Variants in SCN8A observed in about 807,000 individuals in gnomAD.
SCN8A encodes sodium channel protein type 8 subunit alpha.
Under a neutral mutation model 184.1 loss-of-function variants are expected in SCN8A, and 30 were observed. The ratio of observed to expected loss-of-function variants is 0.16; its 90% confidence interval spans 0.12 to 0.22. The LOEUF is 0.22. Among genes scored for constraint, SCN8A ranks in the 10% least tolerant of loss-of-function variants. SCN8A has a pLI of 1.00. For synonymous variants in SCN8A, 852 were observed against 907.0 expected (o/e 0.94, Z 1.09); for missense variants, 1,057 against 2,498.9 (o/e 0.42, Z 12.30).
intron 24 of SCN8A, 64 bp from the exon 25 acceptor site, chr12:51,790,334 G>T: frequency 8.5e-7 from 1 of 1,169,718 alleles, no homozygotes. Context: ...TTGAACCTTA[G>T]GTCCAAACCC....
At chr12:51,788,468 A>G (rs1042604568) in intron 22 of SCN8A, 3 of 348,042 alleles carry the variant, frequency 8.6e-6, no homozygotes, top group East Asian at 9.4e-5. Flanking sequence ...CCTTAATCCC[A>G]TTACCATTTT....
intron 1 of SCN8A, among the ~76,000 whole-genome samples, chr12:51,637,580 A>G (rs574636463): frequency 2.6e-5 from 4 of 152,332 alleles, no homozygotes; most frequent in South Asian, 4.1e-4. Flanking sequence ...CCTTAAGCCA[A>G]CGCCCAATCC....
chr12:51,788,892 A>G, intron 23 of SCN8A, 144 bp downstream of exon 23: 1 of 632,136 alleles, frequency 1.6e-6, no homozygotes, highest in East Asian at 3.0e-5. Flanking sequence ...TGCTTGTGTT[A>G]TTGATTATAG....
At chr12:51,664,533 G>A (rs1177709691) in intron 2 of SCN8A, among the ~76,000 whole-genome samples, 1 of 151,812 alleles carries the variant, frequency 6.6e-6, no homozygotes, top group Non-Finnish European at 1.5e-5. Context: ...TTATTTTTTA[G>A]TAAATGTATT....
intron 1 of SCN8A, among the ~76,000 whole-genome samples, chr12:51,635,548 C>G (rs1239235387): frequency 6.6e-6 from 1 of 152,216 alleles, no homozygotes; most frequent in East Asian, 1.9e-4. Flanking sequence ...TGATGGGAAA[C>G]TTTAAACTAG....
intron 2 of SCN8A, among the ~76,000 whole-genome samples, chr12:51,675,006 T>C (rs1231719448): frequency 6.6e-6 from 1 of 152,154 alleles, no homozygotes; most frequent in African/African-American, 2.4e-5. Context: ...AGAGTGAGAA[T>C]AGATTCTAGA....
chr12:51,645,081 G>A (rs1940543074), intron 1 of SCN8A, among the ~76,000 whole-genome samples: 1 of 149,268 alleles, frequency 6.7e-6, no homozygotes, highest in African/African-American at 2.5e-5. Flanking sequence ...GGAGGTGGGG[G>A]GATCAGCCCC....
intron 19 of SCN8A, among the ~76,000 whole-genome samples, chr12:51,771,911 TA>T (rs1244168539): frequency 6.6e-6 from 1 of 152,220 alleles, no homozygotes; most frequent in Non-Finnish European, 1.5e-5. Flanking sequence ...AACAAAAATC[TA>T]AACAGTATGA....
intron 1 of SCN8A, among the ~76,000 whole-genome samples, chr12:51,611,943 G>T (rs1275572346): frequency 6.6e-6 from 1 of 152,102 alleles, no homozygotes; most frequent in Non-Finnish European, 1.5e-5. Flanking sequence ...CTTGGGATTT[G>T]CTATATAGAT....
At position 51,618,510 on chromosome 12, in the gene SCN8A, G is replaced by A. The variant is rs868465042; in HGVS notation, c.-55+27151G>A. 1.3e-4 allele frequency among the ~76,000 whole-genome samples: 17 copies of A among 133,864 alleles called. No individual in the cohort carries two copies. The East Asian group carries it at 1.9e-3, about 15-fold the overall frequency. 87.8% of individuals were successfully genotyped at this position (133,864 alleles called of 152,430 possible). On this transcript the variant is annotated intron_variant, in intron 1 of 26. Coordinates refer to ENST00000627620, the MANE Select transcript of SCN8A (RefSeq NM_001330260.2). ...ACACACACACACACACACACACACAGAAAGAAAAAAAGGCAAAACTCTGCT... is the reference window on the plus strand; with the variant it reads ...ACACACACACACACACACACACACAAAAAGAAAAAAAGGCAAAACTCTGCT...
intron 1 of SCN8A, among the ~76,000 whole-genome samples, chr12:51,653,472 A>C (rs1940759505): frequency 1.3e-5 from 2 of 152,136 alleles, no homozygotes; most frequent in Non-Finnish European, 2.9e-5. Context: ...CATTTTTTCA[A>C]GATTCCTCCA....
chr12:51,614,418 A>G (rs969971854), intron 1 of SCN8A, among the ~76,000 whole-genome samples: 15 of 152,208 alleles, frequency 9.9e-5, no homozygotes, highest in Non-Finnish European at 7.4e-5. Context: ...CTGTCGGTTC[A>G]TATTTTCATG....
chr12:51,773,533 A>G (rs1187202015), intron 19 of SCN8A, among the ~76,000 whole-genome samples: 1 of 152,234 alleles, frequency 6.6e-6, no homozygotes, highest in Non-Finnish European at 1.5e-5. Context: ...ATGTGGAGAA[A>G]TTGGAACACT....
At position 51,680,730 on chromosome 12, in the gene SCN8A, G is replaced by A. The variant is rs374801590; in HGVS notation, c.277-3444G>A. The stretch of plus-strand genomic sequence containing the variant: ...TACTTTAAAAAATCCTGCCAGGCGC[G>A]GTGACTCACGCCTTTAATCCCAGCC... On this transcript the variant is annotated intron_variant, in intron 2 of 26. Transcript: ENST00000627620. Among the ~76,000 whole-genome samples, 11 of 152,224 alleles carry A rather than the reference G, an allele frequency of 7.2e-5. No homozygotes were observed. The South Asian group carries it at 2.1e-3, about 29-fold the overall frequency.
chr12:51,691,547 C>T (rs1399117802), intron 6 of SCN8A, among the ~76,000 whole-genome samples: 1 of 151,932 alleles, frequency 6.6e-6, no homozygotes, highest in African/African-American at 2.4e-5. Flanking sequence ...TATAAAGAAA[C>T]CTAAGCCAAT....
intron 1 of SCN8A, among the ~76,000 whole-genome samples, chr12:51,596,196 C>T (rs1939345233): frequency 6.6e-6 from 1 of 152,184 alleles, no homozygotes; most frequent in Non-Finnish European, 1.5e-5. Flanking sequence ...TAGGTTTCCC[C>T]ACTGTATAGT....
intron 1 of SCN8A, among the ~76,000 whole-genome samples, chr12:51,641,902 C>T (rs1440890939): frequency 6.6e-6 from 1 of 152,222 alleles, no homozygotes; most frequent in Non-Finnish European, 1.5e-5. Context: ...CACACACACA[C>T]ACTCAAATCC....
chr12:51,657,236 C>CAATGTATGT (rs1209984468), intron 1 of SCN8A, among the ~76,000 whole-genome samples: 1 of 151,986 alleles, frequency 6.6e-6, no homozygotes, highest in Non-Finnish European at 1.5e-5. Flanking sequence ...TACATGTATA[C>CAATGTATGT]AATGTGTGTA....
chr12:51,714,789 T>TA (rs1555220752), intron 11 of SCN8A, among the ~76,000 whole-genome samples: 1 of 152,212 alleles, frequency 6.6e-6, no homozygotes, highest in East Asian at 1.9e-4. Context: ...ATGCAAAAGT[T>TA]ACACTCTCAA....
Sources: gnomAD v4.1 joint callset for allele counts (sites outside exome capture counted in the v4.1 genomes callset) on GRCh38, gnomAD v4.1.1 for gene constraint, MANE v1.5 for transcripts, NCBI Gene and HGNC (gene_info 2026-07-23, HGNC 2026-07-21) for gene names.